MALRD1: variants seen among roughly 807,000 people sequenced by gnomAD.
MALRD1 encodes the protein MAM and LDL-receptor class A domain-containing protein 1.
A neutral mutation model predicts 242.1 loss-of-function variants in MALRD1; 247 were observed. That is an observed-to-expected ratio of 1.02 (90% CI 0.92 to 1.13). The LOEUF (loss-of-function observed/expected upper bound fraction) is 1.13, where lower values mean the gene tolerates loss of function less well. Among genes scored for constraint, MALRD1 ranks in the 50% most tolerant of loss-of-function variants. The probability of loss-of-function intolerance (pLI) is 0.00; values close to 1 mark genes in which losing one functional copy is unlikely to be tolerated. For missense variants in MALRD1, 2,989 were observed against 2,533.1 expected, an observed-to-expected ratio of 1.18 and a Z score of -3.86; for synonymous variants, 995 against 866.6, an observed-to-expected ratio of 1.15 and a Z score of -2.60.
At chr10:19,511,046 C>T (rs751957412) in intron 31 of MALRD1, among the ~76,000 whole-genome samples, 1 of 152,162 alleles carries the variant, frequency 6.6e-6, no homozygotes, top group Non-Finnish European at 1.5e-5. Flanking sequence ...CAGCCATAGC[C>T]TTTGCAATAT....
At chr10:19,382,777 A>G (rs1845893252) in intron 26 of MALRD1, among the ~76,000 whole-genome samples, 1 of 152,134 alleles carries the variant, frequency 6.6e-6, no homozygotes, top group Non-Finnish European at 1.5e-5. Context: ...TTAGTATACT[A>G]GAATGTTTAA....
chr10:19,456,629 C>G (rs563447297), intron 29 of MALRD1, among the ~76,000 whole-genome samples: 1 of 151,966 alleles, frequency 6.6e-6, no homozygotes, highest in Non-Finnish European at 1.5e-5. Flanking sequence ...TTGAGTGCTC[C>G]GAGTGTTGCA....
At chr10:19,442,474 T>G (rs930221805) in intron 28 of MALRD1, among the ~76,000 whole-genome samples, 3 of 152,190 alleles carry the variant, frequency 2.0e-5, no homozygotes, top group Non-Finnish European at 4.4e-5. Context: ...ACAGCTCTTA[T>G]TATTTTGAGA....
intron 29 of MALRD1, among the ~76,000 whole-genome samples, chr10:19,456,238 G>T (rs940243726): frequency 6.6e-6 from 1 of 152,132 alleles, no homozygotes; most frequent in African/African-American, 2.4e-5. Flanking sequence ...AAAATACCTT[G>T]AGGGTAAAAT....
chr10:19,629,351 C>T (rs1839811960), intron 36 of MALRD1, among the ~76,000 whole-genome samples: 1 of 152,090 alleles, frequency 6.6e-6, no homozygotes, highest in Non-Finnish European at 1.5e-5. Context: ...TCTGGTATGA[C>T]CTGACTGTTA....
intron 14 of MALRD1, among the ~76,000 whole-genome samples, chr10:19,178,787 G>T (rs1020676935): frequency 9.2e-5 from 14 of 152,146 alleles, no homozygotes; most frequent in African/African-American, 3.4e-4. Flanking sequence ...GAAGATACGC[G>T]ATTTTCCAAC....
intron 30 of MALRD1, among the ~76,000 whole-genome samples, chr10:19,495,564 T>C (rs190282070): frequency 6.6e-6 from 1 of 152,184 alleles, no homozygotes; most frequent in Non-Finnish European, 1.5e-5. Context: ...GATAATTCAT[T>C]ATCAGCAAAC....
At chr10:19,439,593 CAATAT>C (rs1161741243) in intron 28 of MALRD1, among the ~76,000 whole-genome samples, 2 of 151,870 alleles carry the variant, frequency 1.3e-5, no homozygotes, top group Non-Finnish European at 2.9e-5. Flanking sequence ...GGTGCAGGAA[CAATAT>C]AATTAAAAGT....
intron 12 of MALRD1, among the ~76,000 whole-genome samples, chr10:19,163,447 A>C (rs1157370876): frequency 6.6e-6 from 1 of 151,468 alleles, no homozygotes; most frequent in Non-Finnish European, 1.5e-5. Context: ...TTGGGAGCTA[A>C]ATAATAAGAA....
chr10:19,539,895 TGTGCGC>T (rs879841579), intron 32 of MALRD1, among the ~76,000 whole-genome samples: 1,662 of 60,602 alleles, frequency 0.027, 115 homozygotes, highest in Admixed American at 0.22. Flanking sequence ...TGTGTGTGTG[TGTGCGC>T]GCGCGCGTGC....
rs562354776 is a variant in MALRD1 at position 19,347,461 on chromosome 10, A to G, written c.3902-310A>G. ...TCTTACCAAGACCTGAGAAGCATAG[A>G]TGAGAAGACAGAATAAATAAATTAT... On this transcript the variant is annotated intron_variant, in intron 24 of 39. Coordinates refer to ENST00000454679, the MANE Select transcript of MALRD1 (RefSeq NM_001142308.3). 1.9e-3 allele frequency among the ~76,000 whole-genome samples: 283 copies of G among 152,318 alleles called. 1 individual carries two copies. Among genetic ancestry groups the G allele is most frequent in the Non-Finnish European group, 2.2e-3 (150 of 68,030 alleles).
Position 19,595,344 on chromosome 10 carries a change from C to G in MALRD1, c.5831C>G (p.Pro1944Arg), listed in dbSNP as rs1435355691. 6.4e-7 allele frequency: 1 copy of G among 1,550,786 alleles called. No homozygotes were observed. The highest frequency in any genetic ancestry group is 1.2e-5 in the South Asian group (1 of 84,062). ...DEMDCPLSPT[P>R]PLCSNMEFPC... ...ATGGATTGTCCTCTCAGCCCCACCCCTCCACTCTGTAGTAACATGGAGTTC... is the reference window on the plus strand; with the variant it reads ...ATGGATTGTCCTCTCAGCCCCACCCGTCCACTCTGTAGTAACATGGAGTTC... Residue 1944 changes from proline (P) to arginine (R), a missense_variant, in exon 34 of 40, where the codon CCT becomes CGT. Physicochemically the swap from Pro to Arg is moderately radical, Grantham distance 103. Coordinates refer to ENST00000454679, the MANE Select transcript of MALRD1 (RefSeq NM_001142308.3).
At chr10:19,686,207 A>G (rs1184508855) in intron 36 of MALRD1, among the ~76,000 whole-genome samples, 2 of 152,180 alleles carry the variant, frequency 1.3e-5, no homozygotes, top group Non-Finnish European at 2.9e-5. Flanking sequence ...AAGAGGGCCA[A>G]GAGGGAAACT....
At chr10:19,524,710 T>C (rs1834024134) in intron 31 of MALRD1, among the ~76,000 whole-genome samples, 1 of 143,116 alleles carries the variant, frequency 7.0e-6, no homozygotes, top group African/African-American at 2.9e-5. Context: ...CAGCTTTATT[T>C]TATGAACAGG....
At chr10:19,508,450 A>T (rs999335051) in intron 31 of MALRD1, among the ~76,000 whole-genome samples, 1 of 152,218 alleles carries the variant, frequency 6.6e-6, no homozygotes, top group Non-Finnish European at 1.5e-5. Flanking sequence ...CACATGGATG[A>T]CTGAGCAGGT....
chr10:19,161,033 G>A (rs1468439662), intron 12 of MALRD1, among the ~76,000 whole-genome samples: 2 of 151,034 alleles, frequency 1.3e-5, no homozygotes, highest in East Asian at 3.9e-4. Context: ...AAATCATGCT[G>A]CTATAAAGAC....
intron 11 of MALRD1, among the ~76,000 whole-genome samples, chr10:19,149,074 GTCCATCTATCTA>G (rs1564423833): frequency 1.8e-5 from 2 of 108,338 alleles, no homozygotes; most frequent in African/African-American, 7.0e-5. Flanking sequence ...CTGTCTATCT[GTCCATCTATCTA>G]TCTATCTATC....
chr10:19,308,466 T>G lies in MALRD1; in HGVS notation c.3420-15483T>G, dbSNP rs145453342. Among the ~76,000 whole-genome samples the G allele has an allele frequency of 1.6e-4, 25 of 151,718 alleles. No individual in the cohort carries two copies. In the East Asian group the frequency reaches 3.3e-3, roughly 20 times the overall value. ...AAGAAGTAATAGACTAGGGAAAGAT[T>G]AGCAGAAGTGGACAGAGTGAGGAGG... On this transcript the variant is annotated intron_variant, in intron 21 of 39. Coordinates refer to ENST00000454679, the MANE Select transcript of MALRD1 (RefSeq NM_001142308.3).
intron 34 of MALRD1, among the ~76,000 whole-genome samples, chr10:19,596,452 G>A (rs7087517): frequency 0.51 from 77,364 of 151,974 alleles, 19,792 homozygotes; most frequent in African/African-American, 0.53. Context: ...GAATGAGGCT[G>A]GGTGCAGTGG....
Sources: gnomAD v4.1 joint callset for allele counts (sites outside exome capture counted in the v4.1 genomes callset) on GRCh38, gnomAD v4.1.1 for gene constraint, MANE v1.5 for transcripts, NCBI Gene and HGNC (gene_info 2026-07-23, HGNC 2026-07-21) for gene names.